The following CDK6 variants were observed in gnomAD, a reference collection of about 807,000 sequenced individuals.
The protein encoded by CDK6 is cyclin-dependent kinase 6.
A neutral mutation model predicts 37.1 loss-of-function variants in CDK6; 6 were observed. That is an observed-to-expected ratio of 0.16 (90% CI 0.09 to 0.32). The LOEUF is 0.32. Among genes scored for constraint, CDK6 ranks in the 10% least tolerant of loss-of-function variants. The probability of loss-of-function intolerance (pLI) is 1.00; values close to 1 mark genes in which losing one functional copy is unlikely to be tolerated. For synonymous variants in CDK6, 160 were observed against 161.3 expected (o/e 0.99, Z 0.06); for missense variants, 224 against 418.9 (o/e 0.53, Z 4.06).
At chr7:92,814,037 A>G (rs1299086795) in intron 2 of CDK6, among the ~76,000 whole-genome samples, 1 of 152,178 alleles carries the variant, frequency 6.6e-6, no homozygotes, top group Non-Finnish European at 1.5e-5. Flanking sequence ...CAGACATGGG[A>G]ATTTCCTGCA....
Position 92,610,947 on chromosome 7 carries a change from G to C in CDK6, c.*4193C>G, listed in dbSNP as rs780902504. 6 of 227,808 alleles carry C rather than the reference G, an allele frequency of 2.6e-5. No individual in the cohort carries two copies. The highest frequency in any genetic ancestry group is 5.2e-5 in the Non-Finnish European group (6 of 114,820). 14.1% of individuals were successfully genotyped at this position (227,808 alleles called of 1,614,324 possible). A position where few individuals can be genotyped will look rare whatever the true frequency, so the allele number is the denominator to read the frequency against. On this transcript the variant is annotated 3_prime_UTR_variant, in exon 8 of 8. Transcript: ENST00000424848. ...GTGGTTGCCTCTTCCCTTGAAATGG[G>C]AAAAAAGTACAGGTAATTTAGTTTG... is the stretch of plus-strand genomic sequence containing the variant.
At chr7:92,692,042 C>T (rs370093147) in intron 4 of CDK6, among the ~76,000 whole-genome samples, 6 of 152,050 alleles carry the variant, frequency 3.9e-5, no homozygotes, top group Non-Finnish European at 8.8e-5. Flanking sequence ...CCGAGGTGGG[C>T]GGATCATCTG....
intron 4 of CDK6, among the ~76,000 whole-genome samples, chr7:92,700,722 T>C (rs530214442): frequency 3.5e-4 from 54 of 152,308 alleles, no homozygotes; most frequent in Admixed American, 2.5e-3. Context: ...CTATGTGCCA[T>C]AGGGCAGGAC....
intron 3 of CDK6, among the ~76,000 whole-genome samples, chr7:92,727,395 T>G (rs1798538664): frequency 6.6e-6 from 1 of 152,208 alleles, no homozygotes; most frequent in Non-Finnish European, 1.5e-5. Context: ...TGTCTTTATA[T>G]TTTAGCTTGT....
In CDK6 at chr7:92,815,791, A is replaced by G. The variant is rs182758621; in HGVS notation, c.233+17300T>C. 4.6e-5 allele frequency among the ~76,000 whole-genome samples: 7 copies of G among 152,308 alleles called. No homozygotes were observed. The East Asian group carries it at 1.3e-3, about 29-fold the overall frequency. On this transcript the variant is annotated intron_variant, in intron 2 of 7. Coordinates refer to ENST00000424848, the MANE Select transcript of CDK6 (RefSeq NM_001145306.2). ...TGGGGTCTATTGAGTCCCTGGCTGA[A>G]TATTAAGCTACACATGTGGAACTGC... is the stretch of plus-strand genomic sequence containing the variant.
At chr7:92,689,051 G>A (rs1797538451) in intron 4 of CDK6, among the ~76,000 whole-genome samples, 1 of 151,994 alleles carries the variant, frequency 6.6e-6, no homozygotes, top group African/African-American at 2.4e-5. Flanking sequence ...TTTTTTTTAA[G>A]TCAACAAACA....
chr7:92,708,397 G>C (rs1425826266), intron 4 of CDK6, among the ~76,000 whole-genome samples: 1 of 152,144 alleles, frequency 6.6e-6, no homozygotes, highest in Non-Finnish European at 1.5e-5. Flanking sequence ...GGTGCTTGTT[G>C]TCTAAGGAAA....
At chr7:92,682,582 G>T (rs1271610959) in intron 4 of CDK6, among the ~76,000 whole-genome samples, 1 of 152,124 alleles carries the variant, frequency 6.6e-6, no homozygotes, top group African/African-American at 2.4e-5. Context: ...ATTTCTAAGT[G>T]GACTTTTAAT....
At chr7:92,672,160 T>TATATATATATATATACAC (rs1210519115) in intron 4 of CDK6, among the ~76,000 whole-genome samples, 9 of 79,078 alleles carry the variant, frequency 1.1e-4, no homozygotes, top group African/African-American at 4.9e-4. Flanking sequence ...TATATATATA[T>TATATATATATATATACAC]ACACATACAC....
chr7:92,671,272 C>T (rs904349286), intron 5 of CDK6, 154 bp downstream of exon 5: 8 of 455,162 alleles, frequency 1.8e-5, no homozygotes, highest in Admixed American at 1.7e-4. Context: ...ACTGAGAAGG[C>T]GGTTTCAGGA....
At chr7:92,803,633 A>G (rs149406228) in intron 2 of CDK6, among the ~76,000 whole-genome samples, 13 of 152,344 alleles carry the variant, frequency 8.5e-5, no homozygotes, top group South Asian at 2.1e-4. Flanking sequence ...CCACAAATCA[A>G]AAAGTCTGGG....
At chr7:92,789,580 C>G (rs1035313915) in intron 2 of CDK6, among the ~76,000 whole-genome samples, 4 of 152,098 alleles carry the variant, frequency 2.6e-5, no homozygotes, top group Non-Finnish European at 5.9e-5. Flanking sequence ...TCAACTCAAA[C>G]TGGATTGTTA....
At chr7:92,693,321 G>A (rs1197185797) in intron 4 of CDK6, among the ~76,000 whole-genome samples, 1 of 152,170 alleles carries the variant, frequency 6.6e-6, no homozygotes, top group African/African-American at 2.4e-5. Context: ...AGTTCACAGA[G>A]AAACCCTGAT....
chr7:92,607,891 T>C lies in CDK6; in HGVS notation c.*7249A>G, dbSNP rs1795464489. 1 of 233,360 alleles carries C rather than the reference T, an allele frequency of 4.3e-6. No homozygotes were observed. Among genetic ancestry groups the C allele is most frequent in the Non-Finnish European group, 8.5e-6 (1 of 117,954 alleles). The allele number at this position is 233,360 out of a possible 1,614,324, so 14.5% of individuals were successfully genotyped here. On this transcript the variant is annotated 3_prime_UTR_variant, in exon 8 of 8. Coordinates refer to ENST00000424848, the MANE Select transcript of CDK6 (RefSeq NM_001145306.2). ...CAAACACAGGATCAGAATGAAAAGA[T>C]ATATCATGCACTGTGAGGTTTAAGA...
chr7:92,607,217 C>A lies in CDK6; in HGVS notation c.*7923G>T, dbSNP rs1217571433. 8.6e-6 allele frequency: 2 copies of A among 233,660 alleles called. No homozygotes were observed. Among genetic ancestry groups the A allele is most frequent in the East Asian group, 1.2e-4 (2 of 16,576 alleles). 14.5% of individuals were successfully genotyped at this position (233,660 alleles called of 1,614,324 possible). A position where few individuals can be genotyped will look rare whatever the true frequency, so the allele number is the denominator to read the frequency against. ...TTCCCACTACTCCACATGACACCTACGAGGGCACTACATCACGTGAGGGAA... is the reference window on the plus strand; with the variant it reads ...TTCCCACTACTCCACATGACACCTAAGAGGGCACTACATCACGTGAGGGAA... On this transcript the variant is annotated 3_prime_UTR_variant, in exon 8 of 8. Transcript: ENST00000424848.
chr7:92,721,140 G>A (rs1798355847), intron 4 of CDK6, among the ~76,000 whole-genome samples: 1 of 152,072 alleles, frequency 6.6e-6, no homozygotes, highest in Non-Finnish European at 1.5e-5. Flanking sequence ...CTCCTTCTTT[G>A]AACCACAAGG....
chr7:92,618,237 A>T, intron 6 of CDK6, 30 bp from the exon 7 acceptor site: 1 of 1,611,366 alleles, frequency 6.2e-7, no homozygotes, highest in Non-Finnish European at 8.5e-7. Context: ...GGACATAAGC[A>T]TTAGCTACTA....
rs937918789 is a variant in CDK6 at position 92,835,412 on chromosome 7, C to G, written c.-368+1066G>C. ...CCTGGCTCTCCCCCCACTCGCCCCC[C>G]AGACGGTCGGCTTCGGCGGAGAGAA... On this transcript the variant is annotated intron_variant, in intron 1 of 7. Coordinates refer to ENST00000424848, the MANE Select transcript of CDK6 (RefSeq NM_001145306.2). The surrounding 1 kb of genome is among the most constrained non-coding windows in gnomAD (Gnocchi z 4.2). 6.6e-6 allele frequency: 1 copy of G among 152,242 alleles called. No individual in the cohort carries two copies. The highest frequency in any genetic ancestry group is 2.1e-4 in the South Asian group (1 of 4,834). 9.4% of individuals were successfully genotyped at this position (152,242 alleles called of 1,614,324 possible). A position where few individuals can be genotyped will look rare whatever the true frequency, so the allele number is the denominator to read the frequency against.
At chr7:92,803,443 G>C (rs925029672) in intron 2 of CDK6, among the ~76,000 whole-genome samples, 14 of 152,130 alleles carry the variant, frequency 9.2e-5, no homozygotes, top group Admixed American at 4.6e-4. Flanking sequence ...GAAGATGAGT[G>C]AATATCACAT....
Sources: gnomAD v4.1 joint callset for allele counts (sites outside exome capture counted in the v4.1 genomes callset) on GRCh38, gnomAD v4.1.1 for gene constraint, Gnocchi (gnomAD v3.1) non-coding constraint, MANE v1.5 for transcripts, NCBI Gene and HGNC (gene_info 2026-07-23, HGNC 2026-07-21) for gene names.